The following COL13A1 variants were observed in gnomAD, a reference collection of about 807,000 sequenced individuals.
The protein encoded by COL13A1 is collagen type XIII alpha 1 chain, also known as collagen alpha-1(XIII) chain.
In COL13A1, 89 loss-of-function variants were observed where a neutral mutation model predicts 130.9. The ratio of observed to expected loss-of-function variants is 0.68; its 90% CI spans 0.57 to 0.81. COL13A1 has a LOEUF of 0.81. COL13A1 is among the 30% of genes least tolerant of loss of function. COL13A1 has a pLI of 0.00. For synonymous variants in COL13A1, 402 were observed against 341.6 expected (o/e 1.18, Z -1.95); for missense variants, 879 against 934.6 (o/e 0.94, Z 0.78).
intron 2 of COL13A1, among the ~76,000 whole-genome samples, chr10:69,847,094 C>T (rs1392849820): frequency 1.3e-5 from 2 of 152,204 alleles, no homozygotes; most frequent in African/African-American, 4.8e-5. Flanking sequence ...TCTTCCTTCT[C>T]TTCCTCCTCA....
chr10:69,819,133 A>T (rs1290312426), intron 1 of COL13A1, among the ~76,000 whole-genome samples: 2 of 152,216 alleles, frequency 1.3e-5, no homozygotes, highest in Non-Finnish European at 2.9e-5. Context: ...AAAGCATTGA[A>T]CTTGAAGTTA....
At chr10:69,824,001 C>A (rs11598684) in intron 2 of COL13A1, 12 of 433,594 alleles carry the variant, frequency 2.8e-5, no homozygotes, top group African/African-American at 6.1e-5. Flanking sequence ...CAATGACAAC[C>A]GATTTTTGCT....
At chr10:69,854,961 C>A (rs1346537023) in intron 2 of COL13A1, among the ~76,000 whole-genome samples, 1 of 152,124 alleles carries the variant, frequency 6.6e-6, no homozygotes, top group Non-Finnish European at 1.5e-5. Flanking sequence ...TCCCCGTTCT[C>A]CAGGCTGTGT....
intron 6 of COL13A1, among the ~76,000 whole-genome samples, 173 bp downstream of exon 6, chr10:69,878,238 G>T: frequency 6.6e-6 from 1 of 152,134 alleles, no homozygotes; most frequent in Non-Finnish European, 1.5e-5. Context: ...CCATAACATC[G>T]GGCAGCAGTC....
chr10:69,824,795 A>G (rs1589260481), intron 2 of COL13A1, among the ~76,000 whole-genome samples: 1 of 152,348 alleles, frequency 6.6e-6, no homozygotes, highest in African/African-American at 2.4e-5. Flanking sequence ...GTTTGGCCCA[A>G]AGCATACATC....
intron 2 of COL13A1, among the ~76,000 whole-genome samples, chr10:69,840,078 G>T (rs1851187404): frequency 6.6e-6 from 1 of 152,212 alleles, no homozygotes; most frequent in Non-Finnish European, 1.5e-5. Context: ...TGCAGATTTT[G>T]GGTATGTGCT....
At chr10:69,904,882 GCT>G in intron 15 of COL13A1, 49 bp from the exon 16 acceptor site, 1 of 1,534,728 alleles carries the variant, frequency 6.5e-7, no homozygotes, top group Non-Finnish European at 8.7e-7. Flanking sequence ...GCCCCAACCA[GCT>G]CTACTCACCT....
At chr10:69,868,666 G>GT (rs2058766306) in intron 3 of COL13A1, among the ~76,000 whole-genome samples, 1 of 152,184 alleles carries the variant, frequency 6.6e-6, no homozygotes, top group South Asian at 2.1e-4. Flanking sequence ...CATTTCCATA[G>GT]TTGTTTTCCT....
chr10:69,929,710 C>G (rs1478899210), intron 28 of COL13A1, among the ~76,000 whole-genome samples: 1 of 152,162 alleles, frequency 6.6e-6, no homozygotes, highest in Non-Finnish European at 1.5e-5. Flanking sequence ...GGCAAGAACC[C>G]TTCTGCAAGG....
intron 24 of COL13A1, 86 bp from the exon 25 acceptor site, chr10:69,924,877 G>A: frequency 1.5e-6 from 2 of 1,356,136 alleles, no homozygotes; most frequent in Non-Finnish European, 2.0e-6. Context: ...TGAGCCTCCT[G>A]GCCCTTATCA....
chr10:69,952,709 G>C (rs1001807490), intron 38 of COL13A1, among the ~76,000 whole-genome samples, 173 bp from the exon 39 acceptor site: 3 of 152,220 alleles, frequency 2.0e-5, no homozygotes, highest in African/African-American at 4.8e-5. Flanking sequence ...AGGTTCCTGG[G>C]GGGTGGGGAG....
chr10:69,873,945 C>T (rs570328566), intron 4 of COL13A1, among the ~76,000 whole-genome samples: 37 of 152,326 alleles, frequency 2.4e-4, no homozygotes, highest in African/African-American at 7.7e-4. Context: ...CAGGCACTGG[C>T]CACATGCTTC....
chr10:69,957,391 C>T lies in COL13A1; in HGVS notation c.2184+349C>T, dbSNP rs114027532. ...AGTTCCTCTAAGGTCGTTTATGCCA[C>T]GTGATGACATGTCTTAGACGTAGGA... On this transcript the variant is annotated intron_variant, in intron 40 of 40. Coordinates refer to ENST00000645393, the MANE Select transcript of COL13A1 (RefSeq NM_001368882.1). 5.2e-3 allele frequency among the ~76,000 whole-genome samples: 795 copies of T among 152,306 alleles called. 10 individuals are homozygous for T. Among genetic ancestry groups the T allele is most frequent in the African/African-American group, 0.018 (749 of 41,562 alleles).
At chr10:69,904,362 C>T (rs2062512462) in intron 15 of COL13A1, among the ~76,000 whole-genome samples, 1 of 152,214 alleles carries the variant, frequency 6.6e-6, no homozygotes. Flanking sequence ...AGACCAGACT[C>T]AGGCATCACG....
intron 37 of COL13A1, 76 bp downstream of exon 37, chr10:69,945,800 T>A: frequency 6.5e-7 from 1 of 1,543,120 alleles, no homozygotes; most frequent in South Asian, 1.2e-5. Flanking sequence ...CGGCCGGGCA[T>A]GGTGGCTCAC....
chr10:69,900,448 G>T (rs1219173910), intron 14 of COL13A1, among the ~76,000 whole-genome samples: 3 of 152,218 alleles, frequency 2.0e-5, no homozygotes, highest in Non-Finnish European at 2.9e-5. Context: ...AGGTGGTGAA[G>T]CCAGAACTTT....
chr10:69,930,488 A>G lies in COL13A1; in HGVS notation c.1619A>G (p.Asn540Ser), dbSNP rs1255701557. The G allele has an allele frequency of 6.2e-7, 1 of 1,613,784 alleles. No homozygotes were observed. The highest frequency in any genetic ancestry group is 1.7e-5 in the Admixed American group (1 of 60,006). The change falls in exon 30 of 41, where the codon AAC (asparagine) becomes AGC (serine). Residue 540 changes from asparagine to serine, a missense_variant. Physicochemically the swap from Asn to Ser is conservative, Grantham distance 46. Around this residue, in one of 3 missense-constraint regions of COL13A1, gnomAD observed 715 missense variants for 721.0 expected, o/e 0.99. Transcript: ENST00000645393. ...GGACCTCCAGGAGTGAAGGGAGAAA[A>G]CGGGCACCCAGGGAGCCCAGGAGAG... ...KDGPPGVKGE[N>S]GHPGSPGEKG...
chr10:69,919,499 T>C (rs2064351796), intron 20 of COL13A1, among the ~76,000 whole-genome samples, 166 bp from the exon 21 acceptor site: 1 of 152,218 alleles, frequency 6.6e-6, no homozygotes, highest in Non-Finnish European at 1.5e-5. Flanking sequence ...AAAGGAAATA[T>C]CTTATGTGGC....
chr10:69,917,252 T>C, intron 17 of COL13A1, 37 bp from the exon 18 acceptor site: 1 of 1,612,656 alleles, frequency 6.2e-7, no homozygotes, highest in Non-Finnish European at 8.5e-7. Context: ...GCCCCGAGTC[T>C]GGTCCTCTCC....
Sources: allele counts gnomAD v4.1 joint callset (sites outside exome capture counted in the v4.1 genomes callset), GRCh38; gene constraint gnomAD v4.1.1; regional missense constraint gnomAD v4.1.1; transcripts MANE v1.5; gene names NCBI Gene and HGNC (gene_info 2026-07-23, HGNC 2026-07-21).